The following LIPA variants were observed in gnomAD, a reference collection of about 807,000 sequenced individuals.
The protein encoded by LIPA is lipase A, lysosomal acid type.
A neutral mutation model predicts 40.6 loss-of-function variants in LIPA; 26 were observed. That is an observed-to-expected ratio of 0.64 (90% CI 0.47 to 0.89). The LOEUF is 0.89. Among genes scored for constraint, LIPA ranks in the 40% least tolerant of loss-of-function variants. LIPA has a pLI of 0.00. For missense variants in LIPA, 455 were observed against 479.6 expected (o/e 0.95, Z 0.48); for synonymous variants, 188 against 168.4 (o/e 1.12, Z -0.90).
chr10:89,248,970 C>A (rs1843076154), intron 1 of LIPA, among the ~76,000 whole-genome samples: 1 of 152,186 alleles, frequency 6.6e-6, no homozygotes, highest in Non-Finnish European at 1.5e-5. Flanking sequence ...AATTTCTGAG[C>A]TTGCTTATTT....
chr10:89,245,257 GATA>G (rs1402477838), intron 3 of LIPA, among the ~76,000 whole-genome samples: 2 of 152,026 alleles, frequency 1.3e-5, no homozygotes, highest in African/African-American at 2.4e-5. Flanking sequence ...ATTTCAAAAA[GATA>G]CACAAAAAAG....
intron 1 of LIPA, chr10:89,338,517 A>G: frequency 1.3e-6 from 1 of 743,700 alleles, no homozygotes; most frequent in Non-Finnish European, 2.2e-6. Context: ...TCCAGAAACA[A>G]CCTCACATAC....
chr10:89,332,771 T>C, intron 1 of LIPA: 1 of 884,320 alleles, frequency 1.1e-6, no homozygotes, highest in South Asian at 1.5e-5. Context: ...CATGCATTTT[T>C]ATTTCTGTAG....
rs149100095 is a variant in LIPA at position 89,326,711 on chromosome 10, G to A, written c.-2+15900C>T. On this transcript the variant is annotated intron_variant, in intron 1 of 5. Coordinates refer to the LIPA transcript ENST00000282673. ...CCATAAATATATATATCTACTATGT[G>A]TCCACAAAAAATTTTTAAAAATAAT... 5.3e-4 allele frequency among the ~76,000 whole-genome samples: 81 copies of A among 152,160 alleles called. 1 individual carries two copies. In the East Asian group the frequency reaches 0.014, roughly 27 times the overall value.
intron 2 of LIPA, among the ~76,000 whole-genome samples, chr10:89,380,977 A>C (rs544983312): frequency 9.8e-5 from 15 of 152,348 alleles, no homozygotes; most frequent in African/African-American, 3.6e-4. Context: ...AAGATTGTGT[A>C]AATTGTGCAC....
rs182593262 is a variant in LIPA at position 89,326,042 on chromosome 10, G to A, written c.-2+16569C>T. On this transcript the variant is annotated intron_variant, in intron 1 of 5. Coordinates refer to the LIPA transcript ENST00000282673. Reference sequence around the variant, plus strand: ...ATAACAGTTCGGAGGTTCCTCAAAAGACTAAAAATAGAACTACCATATGAT... The same window carrying A: ...ATAACAGTTCGGAGGTTCCTCAAAAAACTAAAAATAGAACTACCATATGAT... 1.7e-3 allele frequency among the ~76,000 whole-genome samples: 265 copies of A among 152,162 alleles called. 3 individuals are homozygous for A. The highest frequency in any genetic ancestry group is 5.9e-3 in the African/African-American group (244 of 41,516).
At chr10:89,351,626 T>C (rs967442817) in intron 2 of LIPA, among the ~76,000 whole-genome samples, 21 of 152,152 alleles carry the variant, frequency 1.4e-4, no homozygotes, top group Non-Finnish European at 2.6e-4. Flanking sequence ...GCAATTAGAA[T>C]ATGTGAATTC....
At chr10:89,316,018 T>C (rs1355713280) in intron 1 of LIPA, among the ~76,000 whole-genome samples, 1 of 152,198 alleles carries the variant, frequency 6.6e-6, no homozygotes, top group African/African-American at 2.4e-5. Context: ...CAAAACATTT[T>C]GGAAGTCTTT....
chr10:89,302,731 G>A (rs189925312), intron 1 of LIPA, among the ~76,000 whole-genome samples: 1 of 152,292 alleles, frequency 6.6e-6, no homozygotes, highest in Admixed American at 6.5e-5. Context: ...AAATAGTTCT[G>A]TTCTCACCTC....
intron 1 of LIPA, among the ~76,000 whole-genome samples, chr10:89,286,026 G>A (rs1843339491): frequency 6.6e-6 from 1 of 151,996 alleles, no homozygotes; most frequent in Non-Finnish European, 1.5e-5. Flanking sequence ...CTTCTGCAAT[G>A]CCACTTAACC....
intron 1 of LIPA, among the ~76,000 whole-genome samples, chr10:89,324,282 A>G (rs1478084877): frequency 6.6e-6 from 1 of 152,226 alleles, no homozygotes; most frequent in East Asian, 1.9e-4. Context: ...TGGGGAAATG[A>G]TTCCCTGTTC....
At chr10:89,353,393 G>A (rs1269473900) in intron 2 of LIPA, among the ~76,000 whole-genome samples, 1 of 152,176 alleles carries the variant, frequency 6.6e-6, no homozygotes, top group Non-Finnish European at 1.5e-5. Context: ...CACTGAGCAT[G>A]CAGCCCCAGC....
At chr10:89,231,620 T>C (rs1842843570) in intron 3 of LIPA, among the ~76,000 whole-genome samples, 1 of 152,188 alleles carries the variant, frequency 6.6e-6, no homozygotes, top group South Asian at 2.1e-4. Flanking sequence ...ATTACAGGTG[T>C]GTACCACAAC....
At chr10:89,408,669 A>T (rs1841444858) in intron 2 of LIPA, among the ~76,000 whole-genome samples, 1 of 152,190 alleles carries the variant, frequency 6.6e-6, no homozygotes, top group Non-Finnish European at 1.5e-5. Context: ...TTTTCAGATG[A>T]TCCTGATAGG....
intron 1 of LIPA, chr10:89,306,026 T>C (rs1380030753): frequency 6.2e-7 from 1 of 1,613,916 alleles, no homozygotes; most frequent in African/African-American, 1.3e-5. Context: ...CACCTGGAAC[T>C]TGATGGAGGG....
Position 89,227,093 on chromosome 10 carries a change from A to G in LIPA, c.429-89T>C, listed in dbSNP as rs191390336. The G allele has an allele frequency of 3.1e-4, 268 of 861,310 alleles. 1 individual carries two copies. In the African/African-American group the frequency reaches 4.0e-3, roughly 13 times the overall value. The allele number at this position is 861,310 out of a possible 1,614,324, so 53.4% of individuals were successfully genotyped here. A position where few individuals can be genotyped will look rare whatever the true frequency, so the allele number is the denominator to read the frequency against. ...AGTATGCAGTTTGATGAGTTATCAC[A>G]AACTAAACACAGCTGGGAAAACCAG... On this transcript the variant is annotated intron_variant, in intron 4 of 9. Coordinates refer to ENST00000336233, the MANE Select transcript of LIPA (RefSeq NM_000235.4).
At chr10:89,224,953 C>A in intron 6 of LIPA, 139 bp downstream of exon 6, 1 of 1,145,296 alleles carries the variant, frequency 8.7e-7, no homozygotes, top group Admixed American at 1.8e-5. Context: ...GAGGGGTAAA[C>A]GGAAAAAGAA....
chr10:89,404,205 CAAA>C (rs1844492622), intron 2 of LIPA: 1 of 152,534 alleles, frequency 6.6e-6, no homozygotes, highest in African/African-American at 2.4e-5. Context: ...CCATGGAAAA[CAAA>C]GAACAGAAGA....
Position 89,339,880 on chromosome 10 carries a change from C to T in LIPA, c.-2+2731G>A, listed in dbSNP as rs61853145. The T allele has an allele frequency of 8.0e-3, 12,959 of 1,614,164 alleles. 108 individuals carry two copies. Among genetic ancestry groups the T allele is most frequent in the South Asian group, 0.019 (1,741 of 91,084 alleles). ...CCAACCACAGAATGTATCTGAAAAT[C>T]TGCTTCCACAAAATGCACCAAATTA... On this transcript the variant is annotated intron_variant, in intron 1 of 5. Coordinates refer to the LIPA transcript ENST00000282673.
Sources: gnomAD v4.1 joint callset for allele counts (sites outside exome capture counted in the v4.1 genomes callset) on GRCh38, gnomAD v4.1.1 for gene constraint, MANE v1.5 for transcripts, NCBI Gene and HGNC (gene_info 2026-07-23, HGNC 2026-07-21) for gene names.